The following DNAH11 variants were observed in gnomAD, a reference collection of about 807,000 sequenced individuals.
DNAH11 encodes the protein axonemal beta dynein heavy chain 11.
In DNAH11, 442 loss-of-function variants were observed where a neutral mutation model predicts 526.0. That is an observed-to-expected ratio of 0.84 (90% CI 0.78 to 0.91). The LOEUF (loss-of-function observed/expected upper bound fraction) is 0.91, where lower values mean the gene tolerates loss of function less well. Ranked by LOEUF, DNAH11 falls within the 40% of genes least tolerant of loss-of-function variation. The probability of loss-of-function intolerance (pLI) is 0.00; values close to 1 mark genes in which losing one functional copy is unlikely to be tolerated. For missense variants in DNAH11, 6,989 were observed against 5,448.7 expected (o/e 1.28, Z -8.90); for synonymous variants, 2,461 against 1,935.9 (o/e 1.27, Z -7.12).
intron 46 of DNAH11, among the ~76,000 whole-genome samples, chr7:21,736,244 A>G (rs551352707): frequency 2.0e-5 from 3 of 152,356 alleles, no homozygotes; most frequent in African/African-American, 7.2e-5. Context: ...TGAGTAAATG[A>G]CAGAGCCAAG....
chr7:21,594,224 C>T (rs182886347), intron 14 of DNAH11, among the ~76,000 whole-genome samples: 2 of 152,210 alleles, frequency 1.3e-5, no homozygotes, highest in Admixed American at 1.3e-4. Flanking sequence ...GTCCTTGTCT[C>T]TAGGATAATT....
intron 66 of DNAH11, among the ~76,000 whole-genome samples, chr7:21,845,355 C>G (rs964140247): frequency 6.6e-6 from 1 of 151,942 alleles, no homozygotes; most frequent in East Asian, 1.9e-4. Flanking sequence ...TTACATTTAG[C>G]TCTGTTGTAT....
At chr7:21,545,579 A>C (rs958721695) in intron 2 of DNAH11, among the ~76,000 whole-genome samples, 1 of 152,222 alleles carries the variant, frequency 6.6e-6, no homozygotes, top group Non-Finnish European at 1.5e-5. Context: ...TTAGAAACTA[A>C]CAGTTAAAGA....
chr7:21,800,529 G>A (rs1788937406), intron 61 of DNAH11, among the ~76,000 whole-genome samples: 1 of 152,148 alleles, frequency 6.6e-6, no homozygotes, highest in African/African-American at 2.4e-5. Flanking sequence ...CTACTCGGGA[G>A]ACTGAGGCGC....
At chr7:21,830,443 C>T (rs1014660752) in intron 65 of DNAH11, among the ~76,000 whole-genome samples, 2 of 152,152 alleles carry the variant, frequency 1.3e-5, no homozygotes, top group African/African-American at 4.8e-5. Flanking sequence ...TGTTGTTTTT[C>T]TCTAGTGGCA....
chr7:21,598,455 CAA>C (rs1784947846), intron 14 of DNAH11, among the ~76,000 whole-genome samples: 1 of 152,126 alleles, frequency 6.6e-6, no homozygotes, highest in South Asian at 2.1e-4. Context: ...TTGTGTCGCC[CAA>C]ACTCTTGGGA....
intron 8 of DNAH11, among the ~76,000 whole-genome samples, chr7:21,574,486 T>C (rs1026312815): frequency 6.6e-6 from 1 of 152,064 alleles, no homozygotes; most frequent in Non-Finnish European, 1.5e-5. Flanking sequence ...GTTGGTGGAA[T>C]GGAAGTTTGA....
At chr7:21,674,315 C>A (rs1215057548) in intron 30 of DNAH11, among the ~76,000 whole-genome samples, 2 of 152,044 alleles carry the variant, frequency 1.3e-5, no homozygotes, top group Non-Finnish European at 2.9e-5. Context: ...CCTGGCCTCC[C>A]AAAGTTCTGG....
At chr7:21,617,813 T>C (rs1442813134) in intron 23 of DNAH11, 36 bp downstream of exon 23, 2 of 1,533,048 alleles carry the variant, frequency 1.3e-6, no homozygotes, top group East Asian at 4.6e-5. Context: ...AACCTTTTTA[T>C]GACTGTGAAG....
intron 63 of DNAH11, among the ~76,000 whole-genome samples, chr7:21,813,397 C>A (rs1359971268): frequency 6.6e-6 from 1 of 152,120 alleles, no homozygotes; most frequent in Non-Finnish European, 1.5e-5. Flanking sequence ...GAGATATCTA[C>A]CTTGCAGAAC....
chr7:21,823,446 T>C (rs1790140479), intron 65 of DNAH11, among the ~76,000 whole-genome samples: 1 of 152,194 alleles, frequency 6.6e-6, no homozygotes, highest in Non-Finnish European at 1.5e-5. Context: ...TTTCACAGCC[T>C]AAATTCACTA....
intron 50 of DNAH11, 68 bp downstream of exon 50, chr7:21,744,667 A>G: frequency 2.5e-6 from 4 of 1,573,424 alleles, no homozygotes; most frequent in Non-Finnish European, 3.4e-6. Flanking sequence ...CTAAAGTTAG[A>G]TGAGGGTATG....
chr7:21,897,417 TGGA>T (rs1043756640), intron 79 of DNAH11, among the ~76,000 whole-genome samples: 3 of 144,416 alleles, frequency 2.1e-5, no homozygotes, highest in African/African-American at 7.6e-5. Context: ...AATGCTGCCG[TGGA>T]GATGTCAAAA....
At chr7:21,868,647 C>A (rs1310087672) in intron 72 of DNAH11, among the ~76,000 whole-genome samples, 1 of 152,216 alleles carries the variant, frequency 6.6e-6, no homozygotes, top group African/African-American at 2.4e-5. Context: ...ACCAAAGGAA[C>A]TGGCTTCCAC....
chr7:21,896,432 T>A (rs946146664), intron 79 of DNAH11, among the ~76,000 whole-genome samples: 7 of 152,214 alleles, frequency 4.6e-5, no homozygotes, highest in Admixed American at 3.9e-4. Context: ...TAGCTTTGAT[T>A]GTAGAGGGTG....
intron 11 of DNAH11, among the ~76,000 whole-genome samples, 195 bp from the exon 12 acceptor site, chr7:21,589,013 T>C (rs1340792808): frequency 6.6e-6 from 1 of 152,146 alleles, no homozygotes; most frequent in Non-Finnish European, 1.5e-5. Flanking sequence ...TTTAGTAAAA[T>C]CTTGAGTTTC....
intron 8 of DNAH11, among the ~76,000 whole-genome samples, chr7:21,576,610 C>T (rs1038163328): frequency 6.6e-6 from 1 of 152,168 alleles, no homozygotes; most frequent in Non-Finnish European, 1.5e-5. Context: ...CTCCTTGCTT[C>T]TCAGAATATT....
chr7:21,809,096 C>T (rs540578093), intron 63 of DNAH11, among the ~76,000 whole-genome samples: 23 of 152,230 alleles, frequency 1.5e-4, no homozygotes, highest in Admixed American at 9.8e-4. Flanking sequence ...AATTATATCT[C>T]ACTGTGGTTT....
At chr7:21,711,566 G>A in intron 41 of DNAH11, 146 bp from the exon 42 acceptor site, 1 of 1,150,474 alleles carries the variant, frequency 8.7e-7, no homozygotes, top group Non-Finnish European at 1.2e-6. Context: ...TCAGGGGTGA[G>A]CTTAGATCTT....
Sources: gnomAD v4.1 joint callset for allele counts (sites outside exome capture counted in the v4.1 genomes callset) on GRCh38, gnomAD v4.1.1 for gene constraint, MANE v1.5 for transcripts, NCBI Gene and HGNC (gene_info 2026-07-23, HGNC 2026-07-21) for gene names.